Variants in CRYZL1 observed in about 807,000 individuals in gnomAD.
CRYZL1 encodes the protein ferry endosomal RAB5 effector complex subunit 4.
CRYZL1 carries 34 observed loss-of-function variants against 50.6 expected under a neutral mutation model. The ratio of observed to expected loss-of-function variants is 0.67; its 90% CI spans 0.51 to 0.89. The LOEUF is 0.89. CRYZL1 is among the 40% of genes least tolerant of loss of function. The pLI is 0.00. For synonymous variants in CRYZL1, 125 were observed against 134.3 expected, an observed-to-expected ratio of 0.93 and a Z score of 0.48; for missense variants, 354 against 402.3, an observed-to-expected ratio of 0.88 and a Z score of 1.03.
At chr21:33,609,939 T>C (rs547497858) in intron 6 of CRYZL1, among the ~76,000 whole-genome samples, 2 of 149,838 alleles carry the variant, frequency 1.3e-5, no homozygotes, top group Non-Finnish European at 3.0e-5. Flanking sequence ...CTCCTGACCT[T>C]GTGATCCGCC....
chr21:33,598,309 T>C (rs2086716180), intron 9 of CRYZL1, among the ~76,000 whole-genome samples: 1 of 152,230 alleles, frequency 6.6e-6, no homozygotes, highest in Non-Finnish European at 1.5e-5. Context: ...TATTTTCAAA[T>C]CTTAGAAAAT....
intron 1 of CRYZL1, among the ~76,000 whole-genome samples, chr21:33,634,255 T>G (rs951368137): frequency 1.3e-5 from 2 of 152,146 alleles, no homozygotes; most frequent in African/African-American, 4.8e-5. Flanking sequence ...CTAACCTCCT[T>G]TGAAGGCTCT....
chr21:33,598,131 A>G (rs2086714614), intron 9 of CRYZL1, among the ~76,000 whole-genome samples: 1 of 152,216 alleles, frequency 6.6e-6, no homozygotes, highest in African/African-American at 2.4e-5. Flanking sequence ...TGTAACACAT[A>G]ACCAAATCTG....
rs7282481 is a variant in CRYZL1, at chr21:33,614,204, G to A, written c.263-598C>T. Among the ~76,000 whole-genome samples the A allele has an allele frequency of 5.9e-5, 9 of 151,370 alleles. 1 individual carries two copies. The highest frequency in any genetic ancestry group is 2.1e-4 in the South Asian group (1 of 4,778). On this transcript the variant is annotated intron_variant, in intron 5 of 12. Transcript: ENST00000381554. Reference sequence around the variant, plus strand: ...AAAAAAAAAAAAATTGTCCCTGATGGGTTGGGCATGGTGGTTCACACTTGT... The same window carrying A: ...AAAAAAAAAAAAATTGTCCCTGATGAGTTGGGCATGGTGGTTCACACTTGT...
chr21:33,611,911 T>C (rs1409902129), intron 6 of CRYZL1, among the ~76,000 whole-genome samples: 1 of 152,234 alleles, frequency 6.6e-6, no homozygotes, highest in Non-Finnish European at 1.5e-5. Flanking sequence ...TGTATTCTTC[T>C]GTAACTTGCT....
intron 10 of CRYZL1, among the ~76,000 whole-genome samples, chr21:33,596,900 T>C (rs570077479): frequency 1.1e-4 from 16 of 151,670 alleles, no homozygotes; most frequent in African/African-American, 3.9e-4. Context: ...TCTCACTCTG[T>C]GACCCAGGCT....
Position 33,625,356 on chromosome 21 carries a change from T to C in CRYZL1, c.67-596A>G, listed in dbSNP as rs375737363. ...ATTTTCAGTAGAGACGGGGTTTCAC[T>C]GTGTTAGCCAGGATGGTCTCGATCT... On this transcript the variant is annotated intron_variant, in intron 2 of 12. Coordinates refer to ENST00000381554, the MANE Select transcript of CRYZL1 (RefSeq NM_145858.3). 7.9e-4 allele frequency among the ~76,000 whole-genome samples: 120 copies of C among 152,120 alleles called. 2 individuals carry two copies. The East Asian group carries it at 0.012, about 15-fold the overall frequency.
chr21:33,640,717 C>T (rs1161369380), intron 1 of CRYZL1, among the ~76,000 whole-genome samples: 3 of 152,164 alleles, frequency 2.0e-5, no homozygotes, highest in Non-Finnish European at 4.4e-5. Context: ...CTTTTAATTT[C>T]TGCAGTAGGC....
At chr21:33,620,956 A>T in intron 4 of CRYZL1, among the ~76,000 whole-genome samples, 1 of 6,848 alleles carries the variant, frequency 1.5e-4, no homozygotes, top group South Asian at 0.013. Flanking sequence ...CCCAGGCTGG[A>T]GTGCAGTGGC....
At chr21:33,611,173 A>G (rs2086869389) in intron 6 of CRYZL1, among the ~76,000 whole-genome samples, 1 of 152,248 alleles carries the variant, frequency 6.6e-6, no homozygotes, top group Non-Finnish European at 1.5e-5. Context: ...CAAAAATAGG[A>G]TAGTTTCCTG....
chr21:33,593,982 C>CAAAAAAA (rs1167158360), intron 11 of CRYZL1, among the ~76,000 whole-genome samples: 2 of 48,906 alleles, frequency 4.1e-5, no homozygotes, highest in East Asian at 6.8e-4. Flanking sequence ...GACTCTGTCT[C>CAAAAAAA]AAAAAAAAAA....
In CRYZL1 at chr21:33,598,424, G is replaced by A. The variant is rs745545769; in HGVS notation, c.676+726C>T. On this transcript the variant is annotated intron_variant, in intron 9 of 12. Coordinates refer to ENST00000381554, the MANE Select transcript of CRYZL1 (RefSeq NM_145858.3). Reference sequence around the variant, plus strand: ...ATAAATAGAAGCACTTTGCAGGCTCGTAAAGCCTATCCTTTAGAAGTCATG... The same window carrying A: ...ATAAATAGAAGCACTTTGCAGGCTCATAAAGCCTATCCTTTAGAAGTCATG... 1.7e-4 allele frequency among the ~76,000 whole-genome samples: 26 copies of A among 152,188 alleles called. No individual in the cohort carries two copies. In the South Asian group the frequency reaches 2.1e-3, roughly 12 times the overall value.
At chr21:33,637,554 ATTCAAC>A (rs1470429688) in intron 1 of CRYZL1, among the ~76,000 whole-genome samples, 4 of 151,352 alleles carry the variant, frequency 2.6e-5, no homozygotes, top group Non-Finnish European at 4.4e-5. Context: ...ACTCTCCCTC[ATTCAAC>A]TCATCTATTC....
intron 6 of CRYZL1, among the ~76,000 whole-genome samples, chr21:33,606,999 G>C (rs11088257): frequency 0.38 from 58,044 of 152,030 alleles, 11,330 homozygotes; most frequent in East Asian, 0.58. Flanking sequence ...TGGGCAACAA[G>C]AGTGCAACTC....
At chr21:33,631,649 A>C in intron 1 of CRYZL1, 92 bp from the exon 2 acceptor site, 1 of 723,710 alleles carries the variant, frequency 1.4e-6, no homozygotes, top group Non-Finnish European at 2.0e-6. Context: ...CAAAGGATAA[A>C]ACGACAACTA....
intron 6 of CRYZL1, among the ~76,000 whole-genome samples, chr21:33,605,119 C>G (rs2086797054): frequency 6.6e-6 from 1 of 152,052 alleles, no homozygotes; most frequent in Non-Finnish European, 1.5e-5. Context: ...ATCTGGAATT[C>G]CTTTTGTGAA....
At chr21:33,634,196 A>G (rs1004599547) in intron 1 of CRYZL1, among the ~76,000 whole-genome samples, 2 of 152,188 alleles carry the variant, frequency 1.3e-5, no homozygotes, top group Non-Finnish European at 2.9e-5. Flanking sequence ...GGGGCTGGGG[A>G]GAACCGAAGC....
chr21:33,617,784 A>T (rs567072883), intron 4 of CRYZL1, among the ~76,000 whole-genome samples: 16 of 152,306 alleles, frequency 1.1e-4, no homozygotes, highest in Non-Finnish European at 2.1e-4. Context: ...CGGTTAGGAC[A>T]GGGGTCGATC....
At chr21:33,641,177 A>G in intron 1 of CRYZL1, 1 of 1,550,488 alleles carries the variant, frequency 6.4e-7, no homozygotes, top group Non-Finnish European at 8.7e-7. Flanking sequence ...GGCGATGCTT[A>G]CATCTCGCTC....
Sources: gnomAD v4.1 joint callset for allele counts (sites outside exome capture counted in the v4.1 genomes callset) on GRCh38, gnomAD v4.1.1 for gene constraint, MANE v1.5 for transcripts, NCBI Gene and HGNC (gene_info 2026-07-23, HGNC 2026-07-21) for gene names.